Variants in PCDHGB4 observed in about 807,000 individuals in gnomAD.
The protein encoded by PCDHGB4 is protocadherin gamma subfamily B, 4, also known as protocadherin gamma-B4.
A neutral mutation model predicts 60.5 loss-of-function variants in PCDHGB4; 38 were observed. The ratio of observed to expected loss-of-function variants is 0.63; its 90% CI spans 0.48 to 0.82. The LOEUF (loss-of-function observed/expected upper bound fraction) is 0.82, where lower values mean the gene tolerates loss of function less well. PCDHGB4 is among the 40% of genes least tolerant of loss of function. The pLI is 0.00. For synonymous variants in PCDHGB4, 456 were observed against 509.7 expected, an observed-to-expected ratio of 0.89 and a Z score of 1.42; for missense variants, 1,109 against 1,209.6, an observed-to-expected ratio of 0.92 and a Z score of 1.23.
intron 1 of PCDHGB4, among the ~76,000 whole-genome samples, chr5:141,439,532 C>T (rs1030997598): frequency 6.6e-6 from 1 of 152,202 alleles, no homozygotes; most frequent in Admixed American, 6.5e-5. Context: ...CTACAGAACG[C>T]TGTCCTCTCA....
intron 1 of PCDHGB4, among the ~76,000 whole-genome samples, chr5:141,435,175 C>T (rs1199067294): frequency 6.6e-6 from 1 of 152,030 alleles, no homozygotes; most frequent in East Asian, 1.9e-4. Context: ...TGGCTTTTAA[C>T]TACACTTGAG....
At chr5:141,466,280 C>T (rs1181499549) in intron 1 of PCDHGB4, among the ~76,000 whole-genome samples, 1 of 152,142 alleles carries the variant, frequency 6.6e-6, no homozygotes, top group Admixed American at 6.6e-5. Flanking sequence ...AAGCAATCTT[C>T]CCACCTCAGG....
chr5:141,409,155 A>T, intron 1 of PCDHGB4: 1 of 1,614,036 alleles, frequency 6.2e-7, no homozygotes, highest in Non-Finnish European at 8.5e-7. Context: ...TACACCATGG[A>T]AGTGGAAGCG....
chr5:141,399,797 G>T, intron 1 of PCDHGB4: 2 of 1,613,192 alleles, frequency 1.2e-6, no homozygotes, highest in Non-Finnish European at 8.5e-7. Context: ...AACGCACCGC[G>T]GGTGCTGTAC....
Position 141,388,088 on chromosome 5 carries a change from C to T in PCDHGB4, c.204C>T (p.Val68=), listed in dbSNP as rs774450859. 12 of 1,368,276 alleles carry T rather than the reference C, an allele frequency of 8.8e-6. No individual in the cohort carries two copies. Among genetic ancestry groups the T allele is most frequent in the Admixed American group, 2.0e-5 (1 of 48,940 alleles). 84.8% of individuals were successfully genotyped at this position (1,368,276 alleles called of 1,614,324 possible). Residue 68 remains valine (V), a synonymous_variant, in exon 1 of 4, where the codon GTC becomes GTT. Coordinates refer to ENST00000519479, the MANE Select transcript of PCDHGB4 (RefSeq NM_003736.4). ...VQELPTRKLR[V]SSEKPYFTVS... ...AGTTACCGACTCGAAAACTGCGCGT[C>T]AGTTCGGAGAAGCCTTACTTCACCG...
At chr5:141,473,858 C>G (rs569473917) in intron 1 of PCDHGB4, among the ~76,000 whole-genome samples, 1 of 152,286 alleles carries the variant, frequency 6.6e-6, no homozygotes, top group Admixed American at 6.5e-5. Flanking sequence ...ATGAACCTCG[C>G]TATTGTGGAG....
chr5:141,419,831 G>A, intron 1 of PCDHGB4: 5 of 1,614,048 alleles, frequency 3.1e-6, no homozygotes, highest in Non-Finnish European at 4.2e-6. Context: ...TTCAGCCACT[G>A]CCACGCTGCA....
chr5:141,393,892 C>A lies in PCDHGB4; in HGVS notation c.2397+3611C>A, dbSNP rs775134910. The A allele has an allele frequency of 1.2e-5, 19 of 1,613,856 alleles. No homozygotes were observed. Among genetic ancestry groups the A allele is most frequent in the Admixed American group, 6.7e-5 (4 of 60,000 alleles). ...TTGTTTAGCCCAGTGTTAGAAAATT[C>A]TCTTCCCGGGACAGTAATTGCCTTC... On this transcript the variant is annotated intron_variant, in intron 1 of 3. Transcript: ENST00000519479.
intron 1 of PCDHGB4, chr5:141,400,506 G>A (rs771674964): frequency 3.7e-6 from 6 of 1,613,830 alleles, no homozygotes; most frequent in Non-Finnish European, 5.1e-6. Context: ...CCAGCGAGTC[G>A]ACTTCCCATC....
Position 141,486,177 on chromosome 5 carries a change from G to A in PCDHGB4, c.2398-8630G>A. The A allele has an allele frequency of 6.2e-7, 1 of 1,614,222 alleles. No individual in the cohort carries two copies. Among genetic ancestry groups the A allele is most frequent in the Non-Finnish European group, 8.5e-7 (1 of 1,180,042 alleles). ...TCTCCAGCCATGGAGCAACATTGCA[G>A]CCTTCGAGTGGATCTGCTGGACGTA... On this transcript the variant is annotated intron_variant, in intron 1 of 3. Coordinates refer to ENST00000519479, the MANE Select transcript of PCDHGB4 (RefSeq NM_003736.4). The surrounding 1 kb of genome is among the most constrained non-coding windows in gnomAD (Gnocchi z 5.0).
chr5:141,412,041 T>G (rs2095531468), intron 1 of PCDHGB4: 1 of 152,108 alleles, frequency 6.6e-6, no homozygotes, highest in Non-Finnish European at 1.5e-5. Context: ...GTGAAAGAAG[T>G]GAACTTCTAT....
intron 1 of PCDHGB4, among the ~76,000 whole-genome samples, chr5:141,473,413 G>A (rs1282997381): frequency 6.6e-6 from 1 of 152,156 alleles, no homozygotes; most frequent in Non-Finnish European, 1.5e-5. Context: ...CTTCTTCAGT[G>A]GGGGAAGCAG....
rs776721321 is a variant in PCDHGB4, at chr5:141,431,084, C to A, written c.2397+40803C>A. ...CAAGTGTCAATTAAATCTAGACATT[C>A]TGATGGAGGATAAAGTGAAAATATA... is the stretch of plus-strand genomic sequence containing the variant. On this transcript the variant is annotated intron_variant, in intron 1 of 3. Coordinates refer to ENST00000519479, the MANE Select transcript of PCDHGB4 (RefSeq NM_003736.4). This position sits in a 1 kb window ranked among gnomAD's most constrained non-coding sequence, Gnocchi z 4.8. The A allele has an allele frequency of 1.2e-6, 2 of 1,614,060 alleles. No homozygotes were observed. Among genetic ancestry groups the A allele is most frequent in the Non-Finnish European group, 1.7e-6 (2 of 1,180,002 alleles).
chr5:141,409,200 T>C, intron 1 of PCDHGB4: 2 of 1,614,020 alleles, frequency 1.2e-6, no homozygotes, highest in Non-Finnish European at 1.7e-6. Flanking sequence ...CAGTGTAAAG[T>C]AATCATAGAA....
Position 141,491,589 on chromosome 5 carries a change from C to T in PCDHGB4, c.2398-3218C>T. 6.2e-7 allele frequency: 1 copy of T among 1,613,926 alleles called. No homozygotes were observed. The highest frequency in any genetic ancestry group is 8.5e-7 in the Non-Finnish European group (1 of 1,180,024). ...GGACGTGCTTTTCACCGGCCTCGGA[C>T]GGCAGTGACTTCACTTTTCTAAGAC... On this transcript the variant is annotated intron_variant, in intron 1 of 3. Transcript: ENST00000519479. This position sits in a 1 kb window ranked among gnomAD's most constrained non-coding sequence, Gnocchi z 6.9.
At chr5:141,396,683 T>G (rs1445621329) in intron 1 of PCDHGB4, 1 of 152,136 alleles carries the variant, frequency 6.6e-6, no homozygotes, top group Non-Finnish European at 1.5e-5. Context: ...ATTGTATTCC[T>G]GCATACCTTC....
intron 2 of PCDHGB4, among the ~76,000 whole-genome samples, chr5:141,504,947 A>G (rs1595930930): frequency 6.6e-6 from 1 of 152,200 alleles, no homozygotes; most frequent in Non-Finnish European, 1.5e-5. Context: ...GGAATGCACT[A>G]TGTTCAATGC....
intron 1 of PCDHGB4, chr5:141,410,343 G>A (rs890241182): frequency 6.2e-7 from 1 of 1,613,964 alleles, no homozygotes; most frequent in Non-Finnish European, 8.5e-7. Flanking sequence ...ATTGCCTTGC[G>A]CCTGCGACGC....
intron 1 of PCDHGB4, chr5:141,478,822 T>C: frequency 4.2e-6 from 6 of 1,444,070 alleles, no homozygotes; most frequent in Non-Finnish European, 5.5e-6. Flanking sequence ...AACTAACCAA[T>C]CTTGCTAAGG....
Sources: allele counts gnomAD v4.1 joint callset (sites outside exome capture counted in the v4.1 genomes callset), GRCh38; gene constraint gnomAD v4.1.1; non-coding constraint Gnocchi (gnomAD v3.1); transcripts MANE v1.5; gene names NCBI Gene and HGNC (gene_info 2026-07-23, HGNC 2026-07-21).